The following ANO2 variants were observed in gnomAD, a reference collection of about 807,000 sequenced individuals.
ANO2 encodes the protein anoctamin 2.
A neutral mutation model predicts 124.2 loss-of-function variants in ANO2; 101 were observed. That is an observed-to-expected ratio of 0.81 (90% CI 0.69 to 0.96). ANO2 has a LOEUF of 0.96. Among genes scored for constraint, ANO2 ranks in the 40% least tolerant of loss-of-function variants. The pLI is 0.00. For synonymous variants in ANO2, 486 were observed against 482.5 expected (o/e 1.01, Z -0.09); for missense variants, 1,293 against 1,274.5 (o/e 1.01, Z -0.22).
At chr12:5,610,114 T>A (rs1944423432) in intron 19 of ANO2, among the ~76,000 whole-genome samples, 2 of 133,134 alleles carry the variant, frequency 1.5e-5, no homozygotes, top group African/African-American at 2.9e-5. Context: ...TTTTATTTTT[T>A]AAGTATATAT....
intron 9 of ANO2, 58 bp downstream of exon 9, chr12:5,805,994 A>G (rs1953178059): frequency 6.4e-7 from 1 of 1,564,682 alleles, no homozygotes; most frequent in Non-Finnish European, 8.7e-7. Flanking sequence ...AGCCACTTCC[A>G]CACCCACCCG....
chr12:5,809,516 CACCG>C (rs564026469), intron 7 of ANO2, among the ~76,000 whole-genome samples: 168 of 152,232 alleles, frequency 1.1e-3, no homozygotes, highest in Admixed American at 2.7e-3. Flanking sequence ...CAGTTGTTTT[CACCG>C]ACTTAGCTCA....
chr12:5,755,835 C>T (rs945303565), intron 10 of ANO2, among the ~76,000 whole-genome samples: 11 of 152,080 alleles, frequency 7.2e-5, no homozygotes, highest in African/African-American at 2.7e-4. Context: ...CAGTGTTAAC[C>T]TCTTTGGGTT....
chr12:5,827,389 G>T (rs1953989284), intron 7 of ANO2, among the ~76,000 whole-genome samples: 1 of 152,180 alleles, frequency 6.6e-6, no homozygotes, highest in South Asian at 2.1e-4. Context: ...AATATGAGAA[G>T]GCTGGACTAA....
intron 14 of ANO2, among the ~76,000 whole-genome samples, chr12:5,661,241 T>C (rs1947425150): frequency 6.6e-6 from 1 of 152,190 alleles, no homozygotes; most frequent in Admixed American, 6.5e-5. Flanking sequence ...TTTCTTAGTC[T>C]GAACTCCAGG....
intron 14 of ANO2, among the ~76,000 whole-genome samples, chr12:5,725,248 C>G (rs1950392842): frequency 6.6e-6 from 1 of 152,106 alleles, no homozygotes; most frequent in South Asian, 2.1e-4. Context: ...CTCAACAGTT[C>G]AGGGATGGTC....
chr12:5,910,730 A>G (rs1940998009), intron 3 of ANO2, among the ~76,000 whole-genome samples: 1 of 152,174 alleles, frequency 6.6e-6, no homozygotes, highest in African/African-American at 2.4e-5. Flanking sequence ...GAAGCTGTCC[A>G]GGGGTAGCAG....
At chr12:5,697,340 G>A (rs1591934612) in intron 14 of ANO2, among the ~76,000 whole-genome samples, 2 of 152,050 alleles carry the variant, frequency 1.3e-5, no homozygotes, top group East Asian at 3.8e-4. Flanking sequence ...GCTGAAGCAG[G>A]AGAATGGCAT....
At chr12:5,917,558 C>CTTTTTTTTTTTT (rs1490593052) in intron 3 of ANO2, among the ~76,000 whole-genome samples, 1 of 104,410 alleles carries the variant, frequency 9.6e-6, no homozygotes, top group Non-Finnish European at 2.3e-5. Context: ...TTATTATTCT[C>CTTTTTTTTTTTT]TTTTTTCTTT....
chr12:5,668,661 A>G (rs1238494515), intron 14 of ANO2, among the ~76,000 whole-genome samples: 6 of 152,236 alleles, frequency 3.9e-5, no homozygotes, highest in African/African-American at 1.4e-4. Flanking sequence ...ATTTTCTTCT[A>G]TGGTTTTATA....
Position 5,901,183 on chromosome 12 carries a change from C to T in ANO2, c.534+19857G>A, listed in dbSNP as rs181708406. On this transcript the variant is annotated intron_variant, in intron 3 of 24. Coordinates refer to ENST00000682330, the MANE Select transcript of ANO2 (RefSeq NM_001364791.2). ...TGAGCAGATTCAACCTGGAAAAATG[C>T]GGCCTTTGCATCTGGGGATAAATAA... is the stretch of plus-strand genomic sequence containing the variant. Among the ~76,000 whole-genome samples the T allele has an allele frequency of 3.5e-3, 528 of 152,288 alleles. 4 individuals are homozygous for T. Among genetic ancestry groups the T allele is most frequent in the African/African-American group, 0.012 (513 of 41,562 alleles).
chr12:5,657,658 G>T (rs2136967852), intron 14 of ANO2, among the ~76,000 whole-genome samples: 1 of 152,212 alleles, frequency 6.6e-6, no homozygotes, highest in South Asian at 2.1e-4. Context: ...GTGGCCATCT[G>T]GTCTCACATG....
intron 10 of ANO2, among the ~76,000 whole-genome samples, chr12:5,754,976 G>A (rs1054056642): frequency 2.0e-5 from 3 of 151,160 alleles, no homozygotes; most frequent in Admixed American, 1.3e-4. Context: ...TTCTTCTTTT[G>A]TAGTTACTTG....
intron 19 of ANO2, among the ~76,000 whole-genome samples, chr12:5,610,832 ACAC>A (rs2136902755): frequency 7.0e-6 from 1 of 141,858 alleles, no homozygotes; most frequent in South Asian, 2.2e-4. Flanking sequence ...ACACACACAC[ACAC>A]ACACACACAC....
intron 14 of ANO2, among the ~76,000 whole-genome samples, chr12:5,695,291 A>C (rs2137019733): frequency 6.6e-6 from 1 of 150,728 alleles, no homozygotes; most frequent in East Asian, 2.0e-4. Context: ...GTTATTTGAC[A>C]TTGATATGGA....
intron 16 of ANO2, among the ~76,000 whole-genome samples, chr12:5,627,464 C>T (rs975967648): frequency 6.6e-6 from 1 of 152,214 alleles, no homozygotes; most frequent in African/African-American, 2.4e-5. Context: ...CAGCCCACGC[C>T]GGCCAGGCCC....
chr12:5,593,025 G>C (rs936492860), intron 20 of ANO2, among the ~76,000 whole-genome samples: 1 of 152,176 alleles, frequency 6.6e-6, no homozygotes, highest in African/African-American at 2.4e-5. Flanking sequence ...CAGAGAGCAG[G>C]AGAGGCTGGG....
At chr12:5,807,420 A>G (rs1953234373) in intron 7 of ANO2, 52 bp from the exon 8 acceptor site, 2 of 1,477,770 alleles carry the variant, frequency 1.4e-6, no homozygotes, top group South Asian at 1.3e-5. Flanking sequence ...GCGTTTCTCA[A>G]CTTAACCCCT....
chr12:5,899,124 C>T (rs73047640), intron 3 of ANO2, among the ~76,000 whole-genome samples: 11,430 of 152,162 alleles, frequency 0.075, 827 homozygotes, highest in African/African-American at 0.19. Context: ...CTTGGCCATG[C>T]ATAGTAAGTG....
Sources: gnomAD v4.1 joint callset for allele counts (sites outside exome capture counted in the v4.1 genomes callset) on GRCh38, gnomAD v4.1.1 for gene constraint, MANE v1.5 for transcripts, NCBI Gene and HGNC (gene_info 2026-07-23, HGNC 2026-07-21) for gene names.